RHBDD1: variants seen among roughly 807,000 people sequenced by gnomAD.
RHBDD1 encodes rhomboid domain containing 1, also known as rhomboid-related protein 4.
In RHBDD1, 38 loss-of-function variants were observed where a neutral mutation model predicts 36.3. The observed-to-expected ratio is 1.05, with a 90% CI of 0.81 to 1.37. The LOEUF is 1.37. Among genes scored for constraint, RHBDD1 ranks in the 40% most tolerant of loss-of-function variants. The pLI, the probability that RHBDD1 is intolerant of heterozygous loss-of-function variation, is 0.00. For missense variants in RHBDD1, 393 were observed against 377.6 expected, an observed-to-expected ratio of 1.04 and a Z score of -0.34; for synonymous variants, 151 against 136.5, an observed-to-expected ratio of 1.11 and a Z score of -0.74.
chr2:226,820,666 A>G, the RHBDD1 span, among the ~76,000 whole-genome samples: 21 of 149,652 alleles, frequency 1.4e-4, no homozygotes, highest in Admixed American at 2.7e-4. Context: ...AAAAAAAAAA[A>G]AAAGAAAAAA....
intron 8 of RHBDD1, among the ~76,000 whole-genome samples, chr2:226,924,971 A>AG (rs1559278418): frequency 6.6e-6 from 1 of 152,218 alleles, no homozygotes; most frequent in Non-Finnish European, 1.5e-5. Context: ...GATCACTCAC[A>AG]TGATCTTTGG....
At chr2:226,834,977 T>C (rs989955475), upstream of RHBDD1, among the ~76,000 whole-genome samples, 33 of 152,294 alleles carry the variant, frequency 2.2e-4, no homozygotes, top group African/African-American at 7.7e-4. Flanking sequence ...GGTTTCGCCA[T>C]GTTGGCCAGG....
At chr2:226,964,542 T>C (rs1223535379) in intron 8 of RHBDD1, among the ~76,000 whole-genome samples, 1 of 152,220 alleles carries the variant, frequency 6.6e-6, no homozygotes, top group African/African-American at 2.4e-5. Context: ...CTCCCAAGGC[T>C]TTAGTTGCTA....
intron 5 of RHBDD1, among the ~76,000 whole-genome samples, chr2:226,890,832 T>A (rs73992264): frequency 0.014 from 2,165 of 152,230 alleles, 56 homozygotes; most frequent in African/African-American, 0.05. Context: ...AAAATTTTTT[T>A]AAAAAGTAAA....
intron 8 of RHBDD1, among the ~76,000 whole-genome samples, chr2:226,956,791 G>T (rs1237824753): frequency 1.3e-5 from 2 of 152,214 alleles, no homozygotes; most frequent in Non-Finnish European, 2.9e-5. Context: ...GGAATCCTAA[G>T]CATGACACAG....
chr2:226,895,829 T>C, intron 5 of RHBDD1: 2 of 984,976 alleles, frequency 2.0e-6, no homozygotes, highest in Non-Finnish European at 2.4e-6. Flanking sequence ...TTTAGGCTTA[T>C]CCACCACATT....
chr2:226,914,945 T>C (rs1328609956), intron 8 of RHBDD1, among the ~76,000 whole-genome samples: 1 of 152,224 alleles, frequency 6.6e-6, no homozygotes, highest in Non-Finnish European at 1.5e-5. Context: ...TTACTGTTTT[T>C]ATTGTTTGAG....
chr2:226,852,901 T>TTTATTATTATTATTA (rs34006366), intron 3 of RHBDD1, among the ~76,000 whole-genome samples: 44 of 125,200 alleles, frequency 3.5e-4, no homozygotes, highest in East Asian at 6.7e-4. Context: ...ACCTGGCTAA[T>TTTATTATTATTATTA]TTATTATTAT....
chr2:226,894,731 T>C (rs1391314701), intron 5 of RHBDD1, among the ~76,000 whole-genome samples: 2 of 152,208 alleles, frequency 1.3e-5, no homozygotes, highest in Non-Finnish European at 2.9e-5. Context: ...TTACAAAATA[T>C]TTAGGCTATA....
chr2:226,919,882 G>A (rs1314936377), intron 8 of RHBDD1, among the ~76,000 whole-genome samples: 1 of 151,850 alleles, frequency 6.6e-6, no homozygotes, highest in African/African-American at 2.4e-5. Flanking sequence ...ATTTTGATAG[G>A]GGTTGCATTG....
chr2:226,977,615 G>T (rs2149392973), intron 8 of RHBDD1, among the ~76,000 whole-genome samples: 1 of 152,306 alleles, frequency 6.6e-6, no homozygotes, highest in African/African-American at 2.4e-5. Context: ...ATCAAACGCT[G>T]CACAGGGAGA....
intron 8 of RHBDD1, among the ~76,000 whole-genome samples, chr2:226,940,536 G>T (rs1162652047): frequency 6.6e-6 from 1 of 152,148 alleles, no homozygotes; most frequent in Non-Finnish European, 1.5e-5. Flanking sequence ...TTGCTTGTGT[G>T]TGTGTGTGTA....
chr2:226,870,164 C>T (rs1944671810), intron 5 of RHBDD1, among the ~76,000 whole-genome samples: 2 of 152,086 alleles, frequency 1.3e-5, no homozygotes, highest in South Asian at 2.1e-4. Flanking sequence ...CGTGGGACCT[C>T]GGGCAAGGTA....
chr2:226,910,023 A>G (rs975115140), intron 7 of RHBDD1, among the ~76,000 whole-genome samples: 1 of 152,212 alleles, frequency 6.6e-6, no homozygotes, highest in Non-Finnish European at 1.5e-5. Context: ...CAGAGACAAT[A>G]TGTAAACAAG....
chr2:226,814,813 G>C, the RHBDD1 span, among the ~76,000 whole-genome samples: 7 of 152,318 alleles, frequency 4.6e-5, no homozygotes, highest in African/African-American at 1.7e-4. Flanking sequence ...ATTACTCACA[G>C]AAAAAGCATT....
At chr2:226,842,881 C>A (rs1339768073) in intron 3 of RHBDD1, among the ~76,000 whole-genome samples, 1 of 152,156 alleles carries the variant, frequency 6.6e-6, no homozygotes, top group East Asian at 1.9e-4. Flanking sequence ...TGGCCGTTTT[C>A]ATGATATTGA....
intron 8 of RHBDD1, among the ~76,000 whole-genome samples, chr2:226,975,401 C>T (rs945948235): frequency 1.9e-4 from 29 of 152,062 alleles, no homozygotes; most frequent in African/African-American, 4.1e-4. Context: ...GAGGGAGGCC[C>T]GAACTCAATG....
chr2:226,986,617 A>G (rs1327096990), intron 8 of RHBDD1, among the ~76,000 whole-genome samples: 1 of 152,252 alleles, frequency 6.6e-6, no homozygotes, highest in African/African-American at 2.4e-5. Flanking sequence ...AATGCAAATC[A>G]AAACCACAAT....
At chr2:226,859,257 G>T (rs1310437765) in intron 3 of RHBDD1, among the ~76,000 whole-genome samples, 1 of 152,150 alleles carries the variant, frequency 6.6e-6, no homozygotes, top group African/African-American at 2.4e-5. Context: ...GCGGGAGTGG[G>T]GTGGGAAATG....
Sources: gnomAD v4.1 joint callset for allele counts (sites outside exome capture counted in the v4.1 genomes callset) on GRCh38, gnomAD v4.1.1 for gene constraint, MANE v1.5 for transcripts, NCBI Gene and HGNC (gene_info 2026-07-23, HGNC 2026-07-21) for gene names.